Variants in NDST3 observed in about 807,000 individuals in gnomAD.
NDST3 encodes N-deacetylase and N-sulfotransferase 3.
In NDST3, 58 loss-of-function variants were observed where a neutral mutation model predicts 96.1. The observed-to-expected ratio is 0.60, with a 90% CI of 0.49 to 0.75. The LOEUF (loss-of-function observed/expected upper bound fraction) is 0.75. Among genes scored for constraint, NDST3 ranks in the 30% least tolerant of loss-of-function variants. The pLI, the probability that NDST3 is intolerant of heterozygous loss-of-function variation, is 0.00. For missense variants in NDST3, 788 were observed against 1,034.2 expected (o/e 0.76, Z 3.27); for synonymous variants, 333 against 359.7 (o/e 0.93, Z 0.84).
chr4:118,236,892 T>C (rs1240450574), intron 9 of NDST3, among the ~76,000 whole-genome samples, 154 bp from the exon 10 acceptor site: 2 of 152,224 alleles, frequency 1.3e-5, no homozygotes, highest in Non-Finnish European at 2.9e-5. Context: ...GTGTTCTAGA[T>C]ATTTTTCTCT....
intron 12 of NDST3, among the ~76,000 whole-genome samples, chr4:118,251,797 T>C (rs1240256390): frequency 3.9e-5 from 6 of 152,240 alleles, no homozygotes; most frequent in Admixed American, 3.3e-4. Flanking sequence ...TTATATGTAC[T>C]TTAGAATAAT....
intron 2 of NDST3, among the ~76,000 whole-genome samples, chr4:118,076,199 C>A (rs1024195993): frequency 2.0e-5 from 3 of 152,064 alleles, no homozygotes; most frequent in African/African-American, 7.2e-5. Flanking sequence ...TTGTGGGTGA[C>A]CTGCTCCTTC....
At chr4:118,227,635 G>A (rs1291192005) in intron 8 of NDST3, among the ~76,000 whole-genome samples, 4 of 129,870 alleles carry the variant, frequency 3.1e-5, no homozygotes, top group East Asian at 2.2e-4. Flanking sequence ...TTTTTGAGAC[G>A]GAGTCTCGCT....
chr4:118,138,754 C>G (rs969425792), intron 5 of NDST3, among the ~76,000 whole-genome samples: 2 of 152,180 alleles, frequency 1.3e-5, no homozygotes, highest in Non-Finnish European at 2.9e-5. Context: ...CTAATTAAAT[C>G]ATTTGCATAC....
chr4:118,153,294 T>C (rs976763180), intron 6 of NDST3, among the ~76,000 whole-genome samples: 3 of 152,188 alleles, frequency 2.0e-5, no homozygotes, highest in Non-Finnish European at 4.4e-5. Flanking sequence ...CAAGTTCCAA[T>C]AGGCATTTAT....
intron 9 of NDST3, among the ~76,000 whole-genome samples, chr4:118,234,894 T>A (rs1740534540): frequency 6.6e-6 from 1 of 151,784 alleles, no homozygotes; most frequent in Non-Finnish European, 1.5e-5. Context: ...GCTGGGCTTG[T>A]TGGCAGGTGC....
chr4:118,243,144 T>C (rs573412027), intron 12 of NDST3, among the ~76,000 whole-genome samples: 2 of 152,272 alleles, frequency 1.3e-5, no homozygotes, highest in Non-Finnish European at 2.9e-5. Flanking sequence ...AAGACTATCA[T>C]GGAATTTTTC....
At chr4:118,102,241 A>G (rs1344417742) in intron 2 of NDST3, among the ~76,000 whole-genome samples, 1 of 152,120 alleles carries the variant, frequency 6.6e-6, no homozygotes, top group African/African-American at 2.4e-5. Context: ...AACTAAAAAC[A>G]AAAGTCCCAT....
chr4:118,047,718 A>T (rs760375413), intron 1 of NDST3, among the ~76,000 whole-genome samples: 2 of 152,234 alleles, frequency 1.3e-5, no homozygotes, highest in Non-Finnish European at 2.9e-5. Flanking sequence ...AATTGTTAGA[A>T]ATGAACAAAA....
At chr4:118,167,874 T>C (rs904669425) in intron 6 of NDST3, among the ~76,000 whole-genome samples, 1 of 151,960 alleles carries the variant, frequency 6.6e-6, no homozygotes, top group African/African-American at 2.4e-5. Context: ...AAAATTAAAA[T>C]GGACCCTTAT....
intron 2 of NDST3, among the ~76,000 whole-genome samples, chr4:118,089,125 T>C (rs1279089689): frequency 5.9e-5 from 9 of 151,910 alleles, no homozygotes; most frequent in Admixed American, 6.6e-5. Flanking sequence ...AACACAGACA[T>C]GGATAAAATG....
At chr4:118,066,158 ATT>A (rs1726340877) in intron 2 of NDST3, among the ~76,000 whole-genome samples, 1 of 32,762 alleles carries the variant, frequency 3.1e-5, no homozygotes, top group Non-Finnish European at 7.0e-5. Context: ...TATTATATAT[ATT>A]ATATATTATA....
intron 6 of NDST3, among the ~76,000 whole-genome samples, chr4:118,152,714 C>T (rs537759770): frequency 6.6e-6 from 1 of 152,150 alleles, no homozygotes; most frequent in Non-Finnish European, 1.5e-5. Context: ...TTTCTGTACT[C>T]CTGACTAAAT....
intron 6 of NDST3, among the ~76,000 whole-genome samples, chr4:118,197,956 C>A (rs763201132): frequency 6.6e-6 from 1 of 151,808 alleles, no homozygotes; most frequent in African/African-American, 2.4e-5. Flanking sequence ...CACACCACCA[C>A]GCCCAGCTAA....
At chr4:118,194,079 A>G (rs17049656) in intron 6 of NDST3, 37,591 of 1,445,204 alleles carry the variant, frequency 0.026, 2,189 homozygotes, top group African/African-American at 0.23. Flanking sequence ...GGGATTTGGA[A>G]CTTTTCCTTC....
At chr4:118,137,935 C>A in intron 4 of NDST3, 119 bp from the exon 5 acceptor site, 3 of 856,682 alleles carry the variant, frequency 3.5e-6, no homozygotes, top group Non-Finnish European at 5.1e-6. Context: ...AATTTTACCA[C>A]ACAATTAAGT....
At chr4:118,084,947 C>T (rs138056327) in intron 2 of NDST3, among the ~76,000 whole-genome samples, 5,593 of 152,062 alleles carry the variant, frequency 0.037, 163 homozygotes, top group Non-Finnish European at 0.057. Flanking sequence ...GGTGAAACCC[C>T]GTCTCTACTA....
intron 1 of NDST3, among the ~76,000 whole-genome samples, chr4:118,045,636 G>A (rs552535953): frequency 6.6e-6 from 1 of 151,960 alleles, no homozygotes; most frequent in African/African-American, 2.4e-5. Context: ...TAAACATATT[G>A]TTCAAAATAT....
chr4:118,129,509 CTT>C (rs1486453878), intron 4 of NDST3, among the ~76,000 whole-genome samples: 3 of 151,848 alleles, frequency 2.0e-5, no homozygotes, highest in Non-Finnish European at 2.9e-5. Context: ...CAAAATTCCT[CTT>C]GTTGATTTCT....
Sources: allele counts gnomAD v4.1 joint callset (sites outside exome capture counted in the v4.1 genomes callset), GRCh38; gene constraint gnomAD v4.1.1; transcripts MANE v1.5; gene names NCBI Gene and HGNC (gene_info 2026-07-23, HGNC 2026-07-21).